EFCAB7: variants seen among roughly 807,000 people sequenced by gnomAD.
EFCAB7 encodes EF-hand calcium binding domain 7.
In EFCAB7, 66 loss-of-function variants were observed where a neutral mutation model predicts 77.1. The ratio of observed to expected loss-of-function variants is 0.86; its 90% CI spans 0.70 to 1.05. The LOEUF is 1.05. Among genes scored for constraint, EFCAB7 ranks in the 50% least tolerant of loss-of-function variants. The pLI is 0.00. For missense variants in EFCAB7, 638 were observed against 730.5 expected (o/e 0.87, Z 1.46); for synonymous variants, 225 against 243.3 (o/e 0.92, Z 0.70).
intron 2 of EFCAB7, among the ~76,000 whole-genome samples, chr1:63,531,473 G>A (rs547827232): frequency 1.3e-5 from 2 of 152,146 alleles, no homozygotes; most frequent in African/African-American, 4.8e-5. Context: ...GTGGATGGTT[G>A]TTTTTAATCT....
At chr1:63,561,641 CA>C in intron 10 of EFCAB7, 67 bp from the exon 11 acceptor site, 1 of 1,003,214 alleles carries the variant, frequency 1.0e-6, no homozygotes, top group Non-Finnish European at 1.4e-6. Context: ...AATAATATAT[CA>C]TAGACATTTT....
chr1:63,560,843 A>G (rs1570433259), intron 10 of EFCAB7, among the ~76,000 whole-genome samples: 1 of 152,074 alleles, frequency 6.6e-6, no homozygotes, highest in South Asian at 2.1e-4. Flanking sequence ...TAAGCTATTA[A>G]TCAGTCAACC....
At chr1:63,539,537 A>C (rs1041599597) in intron 6 of EFCAB7, among the ~76,000 whole-genome samples, 2 of 152,238 alleles carry the variant, frequency 1.3e-5, no homozygotes, top group African/African-American at 4.8e-5. Flanking sequence ...CTTAGAATAT[A>C]ACTTACACAC....
At chr1:63,545,658 G>T (rs960693074) in intron 6 of EFCAB7, among the ~76,000 whole-genome samples, 2 of 151,994 alleles carry the variant, frequency 1.3e-5, no homozygotes, top group Non-Finnish European at 2.9e-5. Flanking sequence ...TAGAGACAGG[G>T]TTTCTCCATG....
At chr1:63,551,297 A>G (rs967877949) in intron 7 of EFCAB7, among the ~76,000 whole-genome samples, 1 of 152,212 alleles carries the variant, frequency 6.6e-6, no homozygotes, top group South Asian at 2.1e-4. Context: ...GTTTACACAT[A>G]AAAATGGAAT....
chr1:63,525,907 TATC>T, intron 2 of EFCAB7, 148 bp downstream of exon 2: 1 of 562,646 alleles, frequency 1.8e-6, no homozygotes, highest in Non-Finnish European at 3.1e-6. Flanking sequence ...TATTATGTCA[TATC>T]ATATAGTTAC....
At chr1:63,544,506 G>A (rs533974901) in intron 6 of EFCAB7, among the ~76,000 whole-genome samples, 6 of 151,132 alleles carry the variant, frequency 4.0e-5, no homozygotes, top group South Asian at 4.2e-4. Flanking sequence ...TCTGCCTCCC[G>A]GATTCAAGCA....
intron 12 of EFCAB7, chr1:63,569,850 T>A (rs1165001306): frequency 6.6e-6 from 1 of 152,200 alleles, no homozygotes; most frequent in African/African-American, 2.4e-5. Flanking sequence ...CTAAGATGCA[T>A]CATGGTTCCC....
the EFCAB7 span, among the ~76,000 whole-genome samples, chr1:63,581,187 T>C: frequency 3.9e-3 from 586 of 152,188 alleles, 10 homozygotes; most frequent in East Asian, 0.012. Flanking sequence ...TTTACCACTA[T>C]TTTATGTTAG....
chr1:63,581,343 A>G, the EFCAB7 span, among the ~76,000 whole-genome samples: 1 of 142,118 alleles, frequency 7.0e-6, no homozygotes, highest in Non-Finnish European at 1.5e-5. Flanking sequence ...CTCATGCAGG[A>G]GGATCACTTG....
At chr1:63,528,336 A>C (rs1313915227) in intron 2 of EFCAB7, among the ~76,000 whole-genome samples, 2 of 152,222 alleles carry the variant, frequency 1.3e-5, no homozygotes, top group Non-Finnish European at 2.9e-5. Context: ...TGGCACAGAA[A>C]GGCAAACATC....
At chr1:63,550,306 T>C (rs572997070) in intron 7 of EFCAB7, 108 of 152,288 alleles carry the variant, frequency 7.1e-4, no homozygotes, top group African/African-American at 2.5e-3. Flanking sequence ...CTTACACTTA[T>C]GGAGCTAACA....
chr1:63,561,884 T>A lies in EFCAB7; in HGVS notation c.1497+27T>A, dbSNP rs368718841. On this transcript the variant is annotated intron_variant, in intron 11 of 13. Coordinates refer to ENST00000371088, the MANE Select transcript of EFCAB7 (RefSeq NM_032437.4). The stretch of plus-strand genomic sequence containing the variant: ...TAAAGTATTCTTAAACTTTTGCCAA[T>A]GGGTTTAATGTACATAATATTTTAC... The A allele has an allele frequency of 1.3e-5, 20 of 1,526,324 alleles. 1 individual carries two copies. Among genetic ancestry groups the A allele is most frequent in the Non-Finnish European group, 1.1e-5 (13 of 1,135,838 alleles). 94.5% of individuals were successfully genotyped at this position (1,526,324 alleles called of 1,614,324 possible). A position where few individuals can be genotyped will look rare whatever the true frequency, so the allele number is the denominator to read the frequency against.
chr1:63,533,485 A>G lies in EFCAB7; in HGVS notation c.518A>G (p.Gln173Arg). ...AAATTATATATGACAACCAACGAGC[A>G]ATGTCTCAAGACTACACTAGAAAAA... is the stretch of plus-strand genomic sequence containing the variant. Reference protein sequence around the residue: ...FCKLYMTTNEQCLKTTLEKLE... With the variant: ...FCKLYMTTNERCLKTTLEKLE... Residue 173 changes from glutamine (Q) to arginine (R), a missense_variant, in exon 5 of 14, where the codon CAA becomes CGA. Coordinates refer to ENST00000371088, the MANE Select transcript of EFCAB7 (RefSeq NM_032437.4). 1 of 1,604,372 alleles carries G rather than the reference A, an allele frequency of 6.2e-7. No homozygotes were observed.
At chr1:63,545,638 G>A (rs1212051242) in intron 6 of EFCAB7, among the ~76,000 whole-genome samples, 2 of 151,904 alleles carry the variant, frequency 1.3e-5, no homozygotes, top group Non-Finnish European at 2.9e-5. Context: ...GGCTAATTTT[G>A]TATTTTTAGT....
intron 10 of EFCAB7, among the ~76,000 whole-genome samples, chr1:63,558,595 C>T (rs964903148): frequency 3.3e-5 from 5 of 152,052 alleles, no homozygotes; most frequent in Admixed American, 3.3e-4. Context: ...GTCTACTTTA[C>T]CAACATTAAT....
chr1:63,536,747 A>G (rs1017491740), intron 6 of EFCAB7: 1 of 152,220 alleles, frequency 6.6e-6, no homozygotes, highest in African/African-American at 2.4e-5. Context: ...CTGCTAGACA[A>G]ATTCTAAAAG....
intron 10 of EFCAB7, among the ~76,000 whole-genome samples, chr1:63,560,434 C>A (rs1647083240): frequency 6.6e-6 from 1 of 151,382 alleles, no homozygotes; most frequent in South Asian, 2.1e-4. Flanking sequence ...TTGTGGCTAC[C>A]ATTTCTCTTC....
At chr1:63,574,112 G>T (rs2100934667), downstream of EFCAB7, among the ~76,000 whole-genome samples, 1 of 152,266 alleles carries the variant, frequency 6.6e-6, no homozygotes, top group African/African-American at 2.4e-5. Flanking sequence ...CCTGACTGGA[G>T]GCATGTGAGT....
Sources: allele counts gnomAD v4.1 joint callset (sites outside exome capture counted in the v4.1 genomes callset), GRCh38; gene constraint gnomAD v4.1.1; transcripts MANE v1.5; gene names NCBI Gene and HGNC (gene_info 2026-07-23, HGNC 2026-07-21).